Variants in N4BP2 observed in about 807,000 individuals in gnomAD.
N4BP2 encodes NEDD4-binding protein 2.
N4BP2 carries 91 observed loss-of-function variants against 152.8 expected under a neutral mutation model. The observed-to-expected ratio is 0.60, with a 90% CI of 0.50 to 0.71. The LOEUF is 0.71. N4BP2 is among the 30% of genes least tolerant of loss of function. The pLI is 0.00. For synonymous variants in N4BP2, 646 were observed against 705.3 expected, an observed-to-expected ratio of 0.92 and a Z score of 1.33; for missense variants, 1,923 against 2,059.1, an observed-to-expected ratio of 0.93 and a Z score of 1.28.
chr4:40,110,302 C>G (rs1716747812), intron 5 of N4BP2, among the ~76,000 whole-genome samples: 1 of 152,154 alleles, frequency 6.6e-6, no homozygotes. Flanking sequence ...TATGTCTAAC[C>G]TTTTTAGGAA....
At chr4:40,173,556 A>G in the N4BP2 span, among the ~76,000 whole-genome samples, 1 of 152,218 alleles carries the variant, frequency 6.6e-6, no homozygotes, top group Non-Finnish European at 1.5e-5. Context: ...GCTCATGATG[A>G]TGAACATCAG....
intron 10 of N4BP2, 108 bp from the exon 11 acceptor site, chr4:40,124,052 C>T: frequency 2.7e-6 from 2 of 745,712 alleles, no homozygotes; most frequent in Non-Finnish European, 2.3e-6. Context: ...GAATGGTTTA[C>T]AGTTATACAA....
chr4:40,170,525 C>T, the N4BP2 span, among the ~76,000 whole-genome samples: 1 of 152,138 alleles, frequency 6.6e-6, no homozygotes, highest in Non-Finnish European at 1.5e-5. Context: ...CAGTCCCACT[C>T]TACTTGTGGG....
intron 2 of N4BP2, among the ~76,000 whole-genome samples, chr4:40,085,973 G>GT (rs1019964674): frequency 8.7e-5 from 13 of 148,742 alleles, no homozygotes; most frequent in African/African-American, 2.0e-4. Context: ...TTTGTTTTTT[G>GT]TTTTTTTTTG....
At chr4:40,131,177 A>G (rs1006663741) in intron 12 of N4BP2, among the ~76,000 whole-genome samples, 1 of 152,086 alleles carries the variant, frequency 6.6e-6, no homozygotes, top group African/African-American at 2.4e-5. Flanking sequence ...TTTTATGAGG[A>G]CCCATGGGGA....
chr4:40,089,830 G>T (rs888887930), intron 2 of N4BP2, among the ~76,000 whole-genome samples: 5 of 152,164 alleles, frequency 3.3e-5, no homozygotes, highest in African/African-American at 1.2e-4. Context: ...TTCCCACAAG[G>T]AGAGATTTTC....
chr4:40,136,825 A>G (rs1719450253), intron 13 of N4BP2, 119 bp from the exon 14 acceptor site: 1 of 688,054 alleles, frequency 1.5e-6, no homozygotes. Flanking sequence ...AAGGTTGAAA[A>G]CTTAAAAGTA....
chr4:40,122,073 A>T lies in N4BP2; in HGVS notation c.3962A>T (p.Tyr1321Phe), dbSNP rs935250939. ...IKRNENFPKD[Y>F]VKFSDEEEFM... ...AGAAATGAAAATTTTCCAAAGGATT[A>T]TGTGAAATTTTCAGATGAAGAAGAA... The change falls in exon 9 of 18, where the codon TAT becomes TTT. Residue 1321 changes from tyrosine (Y) to phenylalanine (F), a missense_variant. By Grantham distance (22) the Tyr-to-Phe change is conservative (BLOSUM62 3). Coordinates refer to ENST00000261435, the MANE Select transcript of N4BP2 (RefSeq NM_018177.6). The T allele has an allele frequency of 5.8e-6, 9 of 1,563,830 alleles. No individual in the cohort carries two copies. Among genetic ancestry groups the T allele is most frequent in the African/African-American group, 4.1e-5 (3 of 72,826 alleles).
the N4BP2 span, among the ~76,000 whole-genome samples, chr4:40,188,003 G>A: frequency 6.6e-6 from 1 of 152,162 alleles, no homozygotes; most frequent in Non-Finnish European, 1.5e-5. Flanking sequence ...ACAGAGTGAG[G>A]GCAAAGGAAA....
intron 16 of N4BP2, among the ~76,000 whole-genome samples, chr4:40,149,478 GGAATGTTCTGGAATTA>G (rs547816161): frequency 6.3e-4 from 96 of 152,218 alleles, no homozygotes; most frequent in African/African-American, 2.2e-3. Context: ...GTGAAATGAT[GGAATGTTCTGGAATTA>G]GTGGTGGTGG....
chr4:40,136,216 ATT>A (rs199713269), intron 13 of N4BP2, among the ~76,000 whole-genome samples: 4,306 of 152,318 alleles, frequency 0.028, 111 homozygotes, highest in South Asian at 0.061. Context: ...TTAAAGGTCT[ATT>A]GTCTGTGTTT....
At chr4:40,130,539 A>T (rs1238266024) in intron 12 of N4BP2, among the ~76,000 whole-genome samples, 1 of 151,950 alleles carries the variant, frequency 6.6e-6, no homozygotes, top group Admixed American at 6.6e-5. Flanking sequence ...TTTTTGATAT[A>T]GGGTATCACT....
intron 11 of N4BP2, 74 bp downstream of exon 11, chr4:40,124,279 T>G: frequency 9.2e-7 from 1 of 1,082,736 alleles, no homozygotes; most frequent in South Asian, 1.5e-5. Flanking sequence ...TAACTCATTC[T>G]AAATTACTTC....
intron 1 of N4BP2, among the ~76,000 whole-genome samples, chr4:40,065,524 G>A (rs561945866): frequency 6.6e-6 from 1 of 152,292 alleles, no homozygotes; most frequent in South Asian, 2.1e-4. Flanking sequence ...CAGAGACCAA[G>A]AAGGGCCAGA....
At chr4:40,097,108 C>A in intron 2 of N4BP2, 119 bp from the exon 3 acceptor site, 1 of 435,470 alleles carries the variant, frequency 2.3e-6, no homozygotes, top group South Asian at 3.7e-5. Flanking sequence ...AAATTGACTA[C>A]TTTTTAGCTC....
chr4:40,131,984 A>G lies in N4BP2; in HGVS notation c.4646+65A>G, dbSNP rs1718944873. On this transcript the variant is annotated intron_variant, in intron 13 of 17. Transcript: ENST00000261435. Reference sequence around the variant, plus strand: ...GTCACTGAAAGCATATGCCATGTTTATTTTTCTGATAACAAAAATAATGTA... The same window carrying G: ...GTCACTGAAAGCATATGCCATGTTTGTTTTTCTGATAACAAAAATAATGTA... The G allele has an allele frequency of 3.0e-6, 3 of 993,106 alleles. No homozygotes were observed. In the East Asian group the frequency reaches 7.2e-5, roughly 24 times the overall value. The allele number at this position is 993,106 out of a possible 1,614,324, so 61.5% of individuals were successfully genotyped here. A position where few individuals can be genotyped will look rare whatever the true frequency, so the allele number is the denominator to read the frequency against.
chr4:40,184,449 A>T, the N4BP2 span, among the ~76,000 whole-genome samples: 2 of 152,130 alleles, frequency 1.3e-5, no homozygotes, highest in Non-Finnish European at 2.9e-5. Flanking sequence ...AATAAACTAT[A>T]TGAGTACAGC....
At position 40,114,255 on chromosome 4, in the gene N4BP2, T is replaced by C. The variant is rs999234285; in HGVS notation, c.1664+747T>C. 3.3e-4 allele frequency among the ~76,000 whole-genome samples: 50 copies of C among 152,290 alleles called. 1 individual carries two copies. Among genetic ancestry groups the C allele is most frequent in the Admixed American group, 1.2e-3 (19 of 15,302 alleles). Reference sequence around the variant, plus strand: ...GGCTATTTTTTTTTTCTTGGCAATTTCAACTAACTTTAGTACTAAAGGACA... The same window carrying C: ...GGCTATTTTTTTTTTCTTGGCAATTCCAACTAACTTTAGTACTAAAGGACA... On this transcript the variant is annotated intron_variant, in intron 7 of 17. Coordinates refer to ENST00000261435, the MANE Select transcript of N4BP2 (RefSeq NM_018177.6).
At chr4:40,062,060 T>C (rs794028) in intron 1 of N4BP2, among the ~76,000 whole-genome samples, 123,789 of 146,180 alleles carry the variant, frequency 0.85, 52,530 homozygotes, top group East Asian at 0.97. Context: ...TTGTTTTTAC[T>C]GCTTTATTTT....
Sources: allele counts gnomAD v4.1 joint callset (sites outside exome capture counted in the v4.1 genomes callset), GRCh38; gene constraint gnomAD v4.1.1; transcripts MANE v1.5; gene names NCBI Gene and HGNC (gene_info 2026-07-23, HGNC 2026-07-21).